ZC3H6: variants seen among roughly 807,000 people sequenced by gnomAD.
ZC3H6 encodes the protein zinc finger CCCH domain-containing protein 6.
A neutral mutation model predicts 107.7 loss-of-function variants in ZC3H6; 40 were observed. That is an observed-to-expected ratio of 0.37 (90% CI 0.29 to 0.48). The LOEUF is 0.48. Among genes scored for constraint, ZC3H6 ranks in the 20% least tolerant of loss-of-function variants. The pLI is 0.98. For missense variants in ZC3H6, 1,267 were observed against 1,410.4 expected, an observed-to-expected ratio of 0.90 and a Z score of 1.63; for synonymous variants, 493 against 487.9, an observed-to-expected ratio of 1.01 and a Z score of -0.14.
In ZC3H6 at chr2:112,287,336, T is replaced by C. The variant is rs192006250; in HGVS notation, c.32+11310T>C. On this transcript the variant is annotated intron_variant, in intron 1 of 11. Transcript: ENST00000409871. ...AAATGAAATATAAAAATAATAACTT[T>C]TAAAATGTCTCAAAAAAAAGCTATG... Among the ~76,000 whole-genome samples, 46 of 152,220 alleles carry C rather than the reference T, an allele frequency of 3.0e-4. No homozygotes were observed. In the East Asian group the frequency reaches 8.9e-3, roughly 29 times the overall value.
intron 1 of ZC3H6, among the ~76,000 whole-genome samples, chr2:112,291,042 G>A (rs558787583): frequency 4.7e-4 from 71 of 152,262 alleles, no homozygotes; most frequent in Admixed American, 7.2e-4. Context: ...TTTTTGTCTC[G>A]GAAGCACTGT....
At position 112,317,198 on chromosome 2, in the gene ZC3H6, C is replaced by CTTTTT. The variant is rs564035069; in HGVS notation, c.865-13_865-9dup. ...TGTTTCTTACCTTTTTTTCTTTTTTCTTTTTTTTTTTTTTGTGAATAGGGA... is the reference window on the plus strand; with the variant it reads ...TGTTTCTTACCTTTTTTTCTTTTTTCTTTTTTTTTTTTTTTTTTTGTGAATAGGGA... On this transcript the variant is annotated intron_variant, in intron 6 of 11. Coordinates refer to ENST00000409871, the MANE Select transcript of ZC3H6 (RefSeq NM_198581.3). 38 of 1,027,684 alleles carry CTTTTT rather than the reference C, an allele frequency of 3.7e-5. 1 individual carries two copies. The highest frequency in any genetic ancestry group is 1.6e-4 in the South Asian group (7 of 44,300). The allele number at this position is 1,027,684 out of a possible 1,614,324, so 63.7% of individuals were successfully genotyped here. A position where few individuals can be genotyped will look rare whatever the true frequency, so the allele number is the denominator to read the frequency against.
chr2:112,284,989 A>G (rs1372656772), intron 1 of ZC3H6, among the ~76,000 whole-genome samples: 2 of 152,250 alleles, frequency 1.3e-5, no homozygotes, highest in Admixed American at 1.3e-4. Context: ...GATTTTGTTT[A>G]GTATAATTAA....
chr2:112,314,231 A>G (rs1476774869), intron 5 of ZC3H6, among the ~76,000 whole-genome samples: 2 of 152,014 alleles, frequency 1.3e-5, no homozygotes, highest in Non-Finnish European at 2.9e-5. Context: ...CTTGTAATGC[A>G]AAGAATATAG....
At chr2:112,303,402 C>G in intron 3 of ZC3H6, 51 bp downstream of exon 3, 1 of 1,369,104 alleles carries the variant, frequency 7.3e-7, no homozygotes, top group Non-Finnish European at 1.0e-6. Context: ...ATAAAATGTA[C>G]CATTTTAACC....
intron 11 of ZC3H6, among the ~76,000 whole-genome samples, chr2:112,326,872 C>T (rs1276774289): frequency 6.6e-6 from 1 of 152,126 alleles, no homozygotes; most frequent in East Asian, 1.9e-4. Flanking sequence ...CTCGGCCTCC[C>T]AAAGTGCTGG....
chr2:112,302,661 C>G (rs1385949217), intron 2 of ZC3H6, among the ~76,000 whole-genome samples: 3 of 152,126 alleles, frequency 2.0e-5, no homozygotes, highest in African/African-American at 7.2e-5. Flanking sequence ...AAAAAGCTTA[C>G]TCTTGATATC....
intron 2 of ZC3H6, among the ~76,000 whole-genome samples, chr2:112,302,580 C>A (rs771997412): frequency 9.2e-5 from 14 of 152,014 alleles, no homozygotes; most frequent in Non-Finnish European, 2.1e-4. Context: ...ATGCTCAACT[C>A]GGGAAGGTAA....
At chr2:112,284,421 A>G (rs1367763832) in intron 1 of ZC3H6, among the ~76,000 whole-genome samples, 1 of 151,578 alleles carries the variant, frequency 6.6e-6, no homozygotes, top group Non-Finnish European at 1.5e-5. Context: ...AGAAGTCGGT[A>G]TCATCATCAT....
chr2:112,322,659 C>T lies in ZC3H6; in HGVS notation c.1097C>T (p.Thr366Ile), dbSNP rs1676825580. The T allele has an allele frequency of 4.4e-6, 7 of 1,600,704 alleles. No individual in the cohort carries two copies. The highest frequency in any genetic ancestry group is 5.9e-6 in the Non-Finnish European group (7 of 1,176,652). ...GCCAATTATTTTTAGGTGTTGAATA[C>T]TGATGAAGAACTCATAAATGAAGAT... The part of the protein sequence containing the change: ...TKKLLDKVLN[T>I]DEELINEDER... The change falls in exon 9 of 12, where the codon ACT becomes ATT. Residue 366 changes from threonine to isoleucine, a missense_variant. Thr to Ile is a moderately conservative substitution (Grantham distance 89). Coordinates refer to ENST00000409871, the MANE Select transcript of ZC3H6 (RefSeq NM_198581.3).
intron 1 of ZC3H6, among the ~76,000 whole-genome samples, chr2:112,293,136 A>C (rs1377131403): frequency 6.6e-6 from 1 of 152,220 alleles, no homozygotes; most frequent in Non-Finnish European, 1.5e-5. Context: ...TCTTGGGTAG[A>C]GATACCTTGC....
chr2:112,300,063 A>G, intron 2 of ZC3H6, 34 bp downstream of exon 2: 1 of 1,273,738 alleles, frequency 7.9e-7, no homozygotes, highest in Non-Finnish European at 1.0e-6. Context: ...TCTTTTGATA[A>G]ATGTTTATGA....
chr2:112,318,216 A>C (rs1008557842), intron 7 of ZC3H6, among the ~76,000 whole-genome samples: 2 of 152,240 alleles, frequency 1.3e-5, no homozygotes, highest in African/African-American at 4.8e-5. Context: ...GGAACGATGT[A>C]ATTACCAGAG....
intron 1 of ZC3H6, 126 bp downstream of exon 1, chr2:112,276,152 G>C: frequency 3.8e-6 from 3 of 783,630 alleles, no homozygotes; most frequent in South Asian, 2.0e-5. Flanking sequence ...TCAGTTCCAT[G>C]ACGCGCACTC....
At chr2:112,276,285 G>GC (rs961432288) in intron 1 of ZC3H6, among the ~76,000 whole-genome samples, 10 of 149,042 alleles carry the variant, frequency 6.7e-5, no homozygotes, top group African/African-American at 2.2e-4. Flanking sequence ...CGAGCCCCCC[G>GC]CCCCCCGGGC....
intron 1 of ZC3H6, among the ~76,000 whole-genome samples, chr2:112,284,719 A>G (rs1361593286): frequency 6.6e-6 from 1 of 152,194 alleles, no homozygotes; most frequent in East Asian, 1.9e-4. Flanking sequence ...ATGTGTGTGT[A>G]TACAAATATG....
At chr2:112,288,573 C>G (rs936868644) in intron 1 of ZC3H6, among the ~76,000 whole-genome samples, 25 of 152,210 alleles carry the variant, frequency 1.6e-4, no homozygotes, top group African/African-American at 5.6e-4. Context: ...ATAGGTAGTA[C>G]TTTGGGAAGC....
chr2:112,303,183 T>G, intron 2 of ZC3H6, 46 bp from the exon 3 acceptor site: 2 of 1,576,764 alleles, frequency 1.3e-6, no homozygotes, highest in Non-Finnish European at 1.7e-6. Flanking sequence ...AGTTAAATTT[T>G]CTTCCTTTTG....
At chr2:112,315,686 C>T (rs528923529) in intron 5 of ZC3H6, among the ~76,000 whole-genome samples, 1 of 152,116 alleles carries the variant, frequency 6.6e-6, no homozygotes, top group Non-Finnish European at 1.5e-5. Context: ...GGCTCCACCT[C>T]CCAGGTTCAA....
Sources: allele counts gnomAD v4.1 joint callset (sites outside exome capture counted in the v4.1 genomes callset), GRCh38; gene constraint gnomAD v4.1.1; transcripts MANE v1.5; gene names NCBI Gene and HGNC (gene_info 2026-07-23, HGNC 2026-07-21).